Variants in ZMAT4 observed in about 807,000 individuals in gnomAD.
ZMAT4 encodes zinc finger matrin-type 4, also known as zinc finger matrin-type protein 4.
ZMAT4 carries 17 observed loss-of-function variants against 28.7 expected under a neutral mutation model. The observed-to-expected ratio is 0.59, with a 90% confidence interval of 0.41 to 0.89. The LOEUF is 0.89. ZMAT4 is among the 40% of genes least tolerant of loss of function. ZMAT4 has a pLI of 0.00. For missense variants in ZMAT4, 240 were observed against 283.8 expected (o/e 0.85, Z 1.11); for synonymous variants, 117 against 109.2 (o/e 1.07, Z -0.44).
intron 6 of ZMAT4, among the ~76,000 whole-genome samples, chr8:40,570,229 G>A (rs945143519): frequency 3.3e-5 from 5 of 152,146 alleles, no homozygotes; most frequent in African/African-American, 1.2e-4. Flanking sequence ...TGTGATGGGG[G>A]TAGGAAATTG....
intron 2 of ZMAT4, among the ~76,000 whole-genome samples, chr8:40,796,273 T>C (rs1401444739): frequency 6.6e-6 from 1 of 152,222 alleles, no homozygotes; most frequent in Non-Finnish European, 1.5e-5. Context: ...TCTGCTCTGC[T>C]TAAACATGAC....
rs555311103 is a variant in ZMAT4 at position 40,765,644 on chromosome 8, C to T, written c.192+1997G>A. ...CTCTGAAATCCAAACATCTTTCCCA[C>T]TGTAAACTGTCCTTGCGGTTATTGG... On this transcript the variant is annotated intron_variant, in intron 3 of 6. Coordinates refer to ENST00000297737, the MANE Select transcript of ZMAT4 (RefSeq NM_024645.3). Among the ~76,000 whole-genome samples, 187 of 152,336 alleles carry T rather than the reference C, an allele frequency of 1.2e-3. 2 individuals carry two copies. The highest frequency in any genetic ancestry group is 4.4e-3 in the African/African-American group (182 of 41,578).
At chr8:40,544,595 C>CT (rs1195512271) in intron 6 of ZMAT4, among the ~76,000 whole-genome samples, 3 of 152,152 alleles carry the variant, frequency 2.0e-5, no homozygotes, top group East Asian at 1.9e-4. Flanking sequence ...GTGGGTATAA[C>CT]TTTTTTTCTA....
At chr8:40,744,074 G>A (rs934335544) in intron 3 of ZMAT4, among the ~76,000 whole-genome samples, 1 of 152,204 alleles carries the variant, frequency 6.6e-6, no homozygotes, top group African/African-American at 2.4e-5. Context: ...GCCCAGCACT[G>A]AGCCCAGAAA....
chr8:40,705,788 A>G (rs191373967), intron 3 of ZMAT4, among the ~76,000 whole-genome samples: 1 of 152,310 alleles, frequency 6.6e-6, no homozygotes. Flanking sequence ...ATCATTAGCT[A>G]TAGTCACCAT....
chr8:40,646,523 CAG>C (rs1443689229), intron 5 of ZMAT4, among the ~76,000 whole-genome samples: 1 of 151,890 alleles, frequency 6.6e-6, no homozygotes, highest in African/African-American at 2.4e-5. Context: ...ATATAGTTGA[CAG>C]TGTAATTTAT....
At chr8:40,769,204 T>C (rs1179327635) in intron 2 of ZMAT4, among the ~76,000 whole-genome samples, 1 of 152,232 alleles carries the variant, frequency 6.6e-6, no homozygotes, top group East Asian at 1.9e-4. Context: ...TCAACACTTA[T>C]AGCACCATTT....
intron 1 of ZMAT4, among the ~76,000 whole-genome samples, chr8:40,855,954 G>A (rs890342806): frequency 1.5e-4 from 23 of 151,944 alleles, no homozygotes; most frequent in African/African-American, 5.3e-4. Context: ...ACCTCCCAAA[G>A]TGCTGGGATT....
intron 3 of ZMAT4, among the ~76,000 whole-genome samples, chr8:40,732,781 G>C (rs1360361757): frequency 6.6e-6 from 1 of 150,544 alleles, no homozygotes; most frequent in East Asian, 2.0e-4. Context: ...AGAAGAAAAA[G>C]GCAGACACTG....
chr8:40,837,702 G>A (rs934437920), intron 1 of ZMAT4, among the ~76,000 whole-genome samples: 7 of 152,168 alleles, frequency 4.6e-5, no homozygotes, highest in Non-Finnish European at 8.8e-5. Context: ...GCTCATTCAG[G>A]TCAGTACCGC....
chr8:40,724,086 C>T (rs1239600422), intron 3 of ZMAT4, among the ~76,000 whole-genome samples: 1 of 151,948 alleles, frequency 6.6e-6, no homozygotes, highest in Non-Finnish European at 1.5e-5. Context: ...GTCCTTTGGG[C>T]TTGTTCTTCC....
intron 2 of ZMAT4, among the ~76,000 whole-genome samples, chr8:40,784,280 A>C (rs572496480): frequency 6.6e-6 from 1 of 152,222 alleles, no homozygotes; most frequent in South Asian, 2.1e-4. Context: ...GAAAAAATCA[A>C]TATTATTCAC....
At chr8:40,785,799 G>T (rs1814047357) in intron 2 of ZMAT4, among the ~76,000 whole-genome samples, 1 of 152,124 alleles carries the variant, frequency 6.6e-6, no homozygotes, top group Non-Finnish European at 1.5e-5. Context: ...ACCACATTAT[G>T]CAGTACCATG....
chr8:40,722,705 C>T (rs954355980), intron 3 of ZMAT4, among the ~76,000 whole-genome samples: 2 of 152,160 alleles, frequency 1.3e-5, no homozygotes, highest in Non-Finnish European at 2.9e-5. Flanking sequence ...AACAAACACC[C>T]TCCCTGCTCA....
intron 6 of ZMAT4, among the ~76,000 whole-genome samples, chr8:40,562,703 T>C (rs1468232476): frequency 6.6e-6 from 1 of 152,002 alleles, no homozygotes; most frequent in Non-Finnish European, 1.5e-5. Context: ...AGGCAAACAA[T>C]GACAACCCCT....
intron 3 of ZMAT4, among the ~76,000 whole-genome samples, chr8:40,743,396 T>C (rs1812093319): frequency 6.6e-6 from 1 of 152,194 alleles, no homozygotes; most frequent in Admixed American, 6.5e-5. Flanking sequence ...AGACAGCGGA[T>C]TGGAGGTTCT....
intron 5 of ZMAT4, among the ~76,000 whole-genome samples, chr8:40,673,304 T>C (rs951894058): frequency 5.3e-5 from 8 of 152,328 alleles, no homozygotes; most frequent in African/African-American, 1.4e-4. Context: ...TCTCAACTCA[T>C]TGTAGCATGA....
chr8:40,892,754 G>A (rs1461816905), intron 1 of ZMAT4, among the ~76,000 whole-genome samples: 1 of 152,228 alleles, frequency 6.6e-6, no homozygotes, highest in Non-Finnish European at 1.5e-5. Context: ...TAGACTTGAT[G>A]AATGATTCCC....
At chr8:40,743,336 C>T (rs114932075) in intron 3 of ZMAT4, among the ~76,000 whole-genome samples, 205 of 152,266 alleles carry the variant, frequency 1.3e-3, no homozygotes, top group African/African-American at 4.7e-3. Flanking sequence ...GAACAGGGAG[C>T]TTCCTTCCTG....
Sources: gnomAD v4.1 joint callset for allele counts (sites outside exome capture counted in the v4.1 genomes callset) on GRCh38, gnomAD v4.1.1 for gene constraint, MANE v1.5 for transcripts, NCBI Gene and HGNC (gene_info 2026-07-23, HGNC 2026-07-21) for gene names.